Variants in GTF2E2 observed in about 807,000 individuals in gnomAD.
The protein encoded by GTF2E2 is transcription initiation factor IIE subunit beta.
Under a neutral mutation model 40.5 loss-of-function variants are expected in GTF2E2, and 21 were observed. The observed-to-expected ratio is 0.52, with a 90% CI of 0.37 to 0.75. The LOEUF is 0.75. GTF2E2 is among the 30% of genes least tolerant of loss of function. The pLI, the probability that GTF2E2 is intolerant of heterozygous loss-of-function variation, is 0.00. For synonymous variants in GTF2E2, 117 were observed against 121.6 expected, an observed-to-expected ratio of 0.96 and a Z score of 0.25; for missense variants, 298 against 338.4, an observed-to-expected ratio of 0.88 and a Z score of 0.94.
chr8:30,655,048 G>C (rs538361306), intron 1 of GTF2E2, among the ~76,000 whole-genome samples: 1 of 152,108 alleles, frequency 6.6e-6, no homozygotes, highest in East Asian at 1.9e-4. Context: ...CTATCTCTAC[G>C]AAATTAGCCA....
At chr8:30,630,287 T>G (rs1476306434) in intron 3 of GTF2E2, among the ~76,000 whole-genome samples, 1 of 152,204 alleles carries the variant, frequency 6.6e-6, no homozygotes, top group Non-Finnish European at 1.5e-5. Flanking sequence ...GTTCTCAGTA[T>G]TATGACTCTG....
At chr8:30,615,871 A>C (rs548937638) in intron 3 of GTF2E2, among the ~76,000 whole-genome samples, 1 of 152,334 alleles carries the variant, frequency 6.6e-6, no homozygotes, top group Non-Finnish European at 1.5e-5. Context: ...AAATCCACTA[A>C]GGATGCTTAT....
At chr8:30,631,637 C>CA (rs1206905205) in intron 3 of GTF2E2, among the ~76,000 whole-genome samples, 3 of 152,188 alleles carry the variant, frequency 2.0e-5, no homozygotes, top group East Asian at 3.9e-4. Context: ...CTTCTACTGA[C>CA]AAAAAATAAG....
chr8:30,623,188 G>A (rs761671022), intron 3 of GTF2E2, among the ~76,000 whole-genome samples: 40 of 152,158 alleles, frequency 2.6e-4, no homozygotes, highest in South Asian at 6.2e-4. Flanking sequence ...CACAATCCAC[G>A]TTCTTCTGCC....
At chr8:30,600,980 T>C (rs112804483) in intron 6 of GTF2E2, among the ~76,000 whole-genome samples, 1,975 of 152,352 alleles carry the variant, frequency 0.013, 52 homozygotes, top group African/African-American at 0.044. Flanking sequence ...AGGCTAGAGA[T>C]GAATGTTAAA....
intron 4 of GTF2E2, among the ~76,000 whole-genome samples, chr8:30,613,794 C>CT (rs1800815183): frequency 6.6e-6 from 1 of 152,208 alleles, no homozygotes. Flanking sequence ...AGAAAGTAGT[C>CT]TTCTTAGTTT....
intron 6 of GTF2E2, chr8:30,584,403 A>G (rs1240139196): frequency 2.0e-5 from 3 of 152,192 alleles, no homozygotes; most frequent in African/African-American, 4.8e-5. Context: ...TTTTGAAAAC[A>G]AAATGATCAA....
chr8:30,598,754 A>G (rs1362744868), intron 6 of GTF2E2, among the ~76,000 whole-genome samples: 1 of 152,246 alleles, frequency 6.6e-6, no homozygotes, highest in Non-Finnish European at 1.5e-5. Context: ...AGAATCTCAA[A>G]TTTAATTACT....
At chr8:30,637,353 T>C (rs1801638032) in intron 2 of GTF2E2, 1 of 453,190 alleles carries the variant, frequency 2.2e-6, no homozygotes, top group African/African-American at 2.0e-5. Flanking sequence ...CAGTTGTGCT[T>C]ATGAGACATG....
intron 2 of GTF2E2, among the ~76,000 whole-genome samples, chr8:30,649,459 G>A (rs1802199307): frequency 6.6e-6 from 1 of 151,930 alleles, no homozygotes; most frequent in African/African-American, 2.4e-5. Context: ...GAAACCAAAG[G>A]TTGGTTCTTT....
chr8:30,621,046 T>C (rs1801086147), intron 3 of GTF2E2, among the ~76,000 whole-genome samples: 1 of 152,182 alleles, frequency 6.6e-6, no homozygotes, highest in East Asian at 1.9e-4. Flanking sequence ...TGGAGGTTAC[T>C]TGTCTAAGGA....
chr8:30,614,793 ACC>A lies in GTF2E2; in HGVS notation c.259-80_259-79del, dbSNP rs1800866069. On this transcript the variant is annotated intron_variant, in intron 3 of 7. Coordinates refer to ENST00000355904, the MANE Select transcript of GTF2E2 (RefSeq NM_002095.6). The stretch of plus-strand genomic sequence containing the variant: ...TTAAATCATAGTTACATGTAAACAA[ACC>A]TTCAGGAATGAAAAACATGTATTAT... 11 of 761,788 alleles carry A rather than the reference ACC, an allele frequency of 1.4e-5. No homozygotes were observed. The Admixed American group carries it at 2.6e-4, about 18-fold the overall frequency. The allele number at this position is 761,788 out of a possible 1,614,324, so 47.2% of individuals were successfully genotyped here.
At chr8:30,643,356 T>G (rs1801924361) in intron 2 of GTF2E2, 2 of 152,034 alleles carry the variant, frequency 1.3e-5, no homozygotes, top group African/African-American at 4.8e-5. Context: ...ATGAATGAAG[T>G]TGCATTATAA....
intron 6 of GTF2E2, among the ~76,000 whole-genome samples, chr8:30,580,857 T>C (rs774426171): frequency 6.6e-6 from 1 of 152,126 alleles, no homozygotes; most frequent in Non-Finnish European, 1.5e-5. Flanking sequence ...AAAAAGACTT[T>C]TGAAATCAAA....
intron 2 of GTF2E2, among the ~76,000 whole-genome samples, chr8:30,647,201 C>T (rs1208920773): frequency 2.0e-5 from 3 of 151,906 alleles, no homozygotes; most frequent in Non-Finnish European, 4.4e-5. Flanking sequence ...TTATAAAAGA[C>T]TTTTTTTAAA....
intron 6 of GTF2E2, among the ~76,000 whole-genome samples, chr8:30,588,142 C>T (rs2151109998): frequency 6.6e-6 from 1 of 152,228 alleles, no homozygotes; most frequent in South Asian, 2.1e-4. Context: ...TTGGTGTAGC[C>T]ATTATGGAAA....
At chr8:30,585,473 A>G (rs574482960) in intron 6 of GTF2E2, among the ~76,000 whole-genome samples, 24 of 152,336 alleles carry the variant, frequency 1.6e-4, no homozygotes, top group African/African-American at 5.5e-4. Flanking sequence ...TTAAAAAGCA[A>G]AAACACATAC....
chr8:30,637,876 T>C (rs1045888963), intron 2 of GTF2E2, among the ~76,000 whole-genome samples: 2 of 152,234 alleles, frequency 1.3e-5, no homozygotes, highest in African/African-American at 4.8e-5. Context: ...TCTGCTGCTG[T>C]TGTTAACAGC....
At chr8:30,598,353 C>T (rs916164135) in intron 6 of GTF2E2, among the ~76,000 whole-genome samples, 1 of 152,160 alleles carries the variant, frequency 6.6e-6, no homozygotes, top group Non-Finnish European at 1.5e-5. Context: ...TAAATAGTGG[C>T]AGCAATGGTC....
Sources: gnomAD v4.1 joint callset for allele counts (sites outside exome capture counted in the v4.1 genomes callset) on GRCh38, gnomAD v4.1.1 for gene constraint, MANE v1.5 for transcripts, NCBI Gene and HGNC (gene_info 2026-07-23, HGNC 2026-07-21) for gene names.